Variants in PLXDC2 observed in about 807,000 individuals in gnomAD.
PLXDC2 encodes the protein plexin domain containing 2.
A neutral mutation model predicts 68.9 loss-of-function variants in PLXDC2; 40 were observed. That is an observed-to-expected ratio of 0.58 (90% CI 0.45 to 0.76). The LOEUF is 0.76. PLXDC2 is among the 30% of genes least tolerant of loss of function. The probability of loss-of-function intolerance (pLI) is 0.00; values close to 1 mark genes in which losing one functional copy is unlikely to be tolerated. For missense variants in PLXDC2, 644 were observed against 661.9 expected (o/e 0.97, Z 0.30); for synonymous variants, 243 against 234.2 (o/e 1.04, Z -0.34).
chr10:20,138,822 A>T (rs955907766), intron 4 of PLXDC2, among the ~76,000 whole-genome samples: 1 of 152,156 alleles, frequency 6.6e-6, no homozygotes, highest in East Asian at 1.9e-4. Context: ...CTGAGACAGG[A>T]GGATCACTTG....
chr10:20,079,369 G>A (rs1836511012), intron 4 of PLXDC2, among the ~76,000 whole-genome samples: 1 of 152,200 alleles, frequency 6.6e-6, no homozygotes, highest in Admixed American at 6.5e-5. Flanking sequence ...ATGCTGGCAA[G>A]GCTGTGGAGA....
At chr10:20,271,968 T>C (rs927370631) in intron 13 of PLXDC2, among the ~76,000 whole-genome samples, 4 of 152,184 alleles carry the variant, frequency 2.6e-5, no homozygotes, top group African/African-American at 9.7e-5. Context: ...TTAGTACTGT[T>C]TTACATAAAG....
Position 19,820,607 on chromosome 10 carries a change from G to C in PLXDC2, c.112+3416G>C, listed in dbSNP as rs527512634. Reference sequence around the variant, plus strand: ...CGAGATTGCGCCACTGCAGTCCGCAGTCCGGCCTGGGCGACAGAGCGAGAC... The same window carrying C: ...CGAGATTGCGCCACTGCAGTCCGCACTCCGGCCTGGGCGACAGAGCGAGAC... On this transcript the variant is annotated intron_variant, in intron 1 of 13. Transcript: ENST00000377252. Among the ~76,000 whole-genome samples the C allele has an allele frequency of 4.2e-3, 618 of 147,846 alleles. 3 individuals are homozygous for C. Among genetic ancestry groups the C allele is most frequent in the Non-Finnish European group, 4.1e-3 (279 of 67,382 alleles).
In PLXDC2 at chr10:19,915,476, A is replaced by G. The variant is rs997154300; in HGVS notation, c.113-86299A>G. Among the ~76,000 whole-genome samples the G allele has an allele frequency of 2.6e-5, 4 of 152,300 alleles. No individual in the cohort carries two copies. The East Asian group carries it at 7.7e-4, about 29-fold the overall frequency. Reference sequence around the variant, plus strand: ...ATTGAGAACTACATTACAATATATAATTTTGCTTTCAATTATCAGATTTAA... The same window carrying G: ...ATTGAGAACTACATTACAATATATAGTTTTGCTTTCAATTATCAGATTTAA... On this transcript the variant is annotated intron_variant, in intron 1 of 13. Coordinates refer to ENST00000377252, the MANE Select transcript of PLXDC2 (RefSeq NM_032812.9).
chr10:20,230,028 C>A (rs1477132898), intron 12 of PLXDC2, among the ~76,000 whole-genome samples: 2 of 152,052 alleles, frequency 1.3e-5, no homozygotes, highest in African/African-American at 4.8e-5. Context: ...AAAGAAGGAA[C>A]AAAGGACCAT....
At chr10:20,264,021 T>C (rs772987954) in intron 13 of PLXDC2, among the ~76,000 whole-genome samples, 8 of 152,140 alleles carry the variant, frequency 5.3e-5, no homozygotes, top group Non-Finnish European at 1.0e-4. Context: ...ACTCAAATGT[T>C]CATTGCAGCA....
At chr10:20,027,692 GA>G (rs60603741) in intron 2 of PLXDC2, among the ~76,000 whole-genome samples, 192 of 142,518 alleles carry the variant, frequency 1.3e-3, no homozygotes, top group African/African-American at 4.2e-3. Context: ...GGGACAACCT[GA>G]AAAAAAAAAA....
intron 1 of PLXDC2, among the ~76,000 whole-genome samples, chr10:19,833,399 T>G (rs1025781871): frequency 6.6e-6 from 1 of 152,232 alleles, no homozygotes; most frequent in Non-Finnish European, 1.5e-5. Flanking sequence ...CCTGCTGGAA[T>G]GCAAAGCTTT....
chr10:19,938,434 A>C (rs982499591), intron 1 of PLXDC2, among the ~76,000 whole-genome samples: 2 of 152,202 alleles, frequency 1.3e-5, no homozygotes, highest in Non-Finnish European at 2.9e-5. Context: ...GGTAGGCCTC[A>C]GGGAGGTTTA....
rs63234960 is a variant in PLXDC2, at chr10:19,817,067, T to TGGC, written c.-3_-1dup. On this transcript the variant is annotated 5_prime_UTR_variant, in exon 1 of 14. Transcript: ENST00000377252. ...AGGACTGGCGGGTGGGGTAGGGAGGTGGCGGCGGCGGCATGGCGAGGTTCC... is the reference window on the plus strand; with the variant it reads ...AGGACTGGCGGGTGGGGTAGGGAGGTGGCGGCGGCGGCGGCATGGCGAGGTTCC... 2 of 1,525,714 alleles carry TGGC rather than the reference T, an allele frequency of 1.3e-6. No individual in the cohort carries two copies. The highest frequency in any genetic ancestry group is 2.0e-4 in the Middle Eastern group (1 of 5,074). 94.5% of individuals were successfully genotyped at this position (1,525,714 alleles called of 1,614,324 possible).
chr10:20,110,867 CTGTT>C (rs2131747879), intron 4 of PLXDC2, among the ~76,000 whole-genome samples: 1 of 152,302 alleles, frequency 6.6e-6, no homozygotes, highest in South Asian at 2.1e-4. Context: ...CACACAGACT[CTGTT>C]TGAGCCATCC....
chr10:20,167,281 G>T (rs2131817608), intron 7 of PLXDC2, among the ~76,000 whole-genome samples: 1 of 152,230 alleles, frequency 6.6e-6, no homozygotes, highest in East Asian at 1.9e-4. Context: ...ATGAGCTTCT[G>T]TATAACAAGA....
intron 9 of PLXDC2, among the ~76,000 whole-genome samples, chr10:20,196,819 G>A (rs1834843984): frequency 6.6e-6 from 1 of 152,124 alleles, no homozygotes; most frequent in Admixed American, 6.6e-5. Context: ...TTAGTAACTT[G>A]CACTTTTTCC....
At chr10:20,269,436 C>G (rs1835908793) in intron 13 of PLXDC2, among the ~76,000 whole-genome samples, 1 of 152,090 alleles carries the variant, frequency 6.6e-6, no homozygotes, top group South Asian at 2.1e-4. Context: ...CAGGAGGAAT[C>G]TCATTAAAGA....
intron 1 of PLXDC2, among the ~76,000 whole-genome samples, chr10:19,989,639 A>G (rs1834712151): frequency 6.6e-6 from 1 of 152,130 alleles, no homozygotes; most frequent in South Asian, 2.1e-4. Flanking sequence ...AGGATGGAAT[A>G]ATATTTTAAT....
At chr10:19,867,257 G>T (rs995703388) in intron 1 of PLXDC2, among the ~76,000 whole-genome samples, 5 of 151,920 alleles carry the variant, frequency 3.3e-5, no homozygotes, top group Non-Finnish European at 7.4e-5. Flanking sequence ...TGGAGATGGG[G>T]TTTTACTCTG....
At chr10:19,833,494 C>T (rs1033369535) in intron 1 of PLXDC2, among the ~76,000 whole-genome samples, 5 of 152,164 alleles carry the variant, frequency 3.3e-5, no homozygotes, top group Non-Finnish European at 5.9e-5. Context: ...ATAAAAGGTG[C>T]GTTAAAAGAA....
At chr10:19,823,151 C>T (rs910840797) in intron 1 of PLXDC2, among the ~76,000 whole-genome samples, 2 of 151,894 alleles carry the variant, frequency 1.3e-5, no homozygotes, top group African/African-American at 4.8e-5. Flanking sequence ...CTCCTGACCT[C>T]GTGATCAACC....
intron 4 of PLXDC2, among the ~76,000 whole-genome samples, chr10:20,109,127 G>A (rs986211500): frequency 9.2e-5 from 14 of 152,024 alleles, no homozygotes; most frequent in African/African-American, 3.1e-4. Context: ...TCAGGGAGGC[G>A]GTTACGATAT....
Sources: allele counts gnomAD v4.1 joint callset (sites outside exome capture counted in the v4.1 genomes callset), GRCh38; gene constraint gnomAD v4.1.1; transcripts MANE v1.5; gene names NCBI Gene and HGNC (gene_info 2026-07-23, HGNC 2026-07-21).